Variants in MARCHF1 observed in about 807,000 individuals in gnomAD.
MARCHF1 encodes the protein membrane associated ring-CH-type finger 1.
A neutral mutation model predicts 54.2 loss-of-function variants in MARCHF1; 40 were observed. The observed-to-expected ratio is 0.74, with a 90% CI of 0.57 to 0.96. The LOEUF is 0.96. Among genes scored for constraint, MARCHF1 ranks in the 40% least tolerant of loss-of-function variants. MARCHF1 has a pLI of 0.00. For synonymous variants in MARCHF1, 236 were observed against 236.3 expected (o/e 1.00, Z 0.01); for missense variants, 586 against 656.5 (o/e 0.89, Z 1.17).
rs556075677 is a variant in MARCHF1, at chr4:164,253,820, C to A, written c.-323+130050G>T. 3.3e-5 allele frequency among the ~76,000 whole-genome samples: 5 copies of A among 152,120 alleles called. No homozygotes were observed. In the South Asian group the frequency reaches 1.0e-3, roughly 32 times the overall value. On this transcript the variant is annotated intron_variant, in intron 1 of 9. Transcript: ENST00000514618. ...AATGGATAAAGAAAATCTGACACAT[C>A]CATATAATGAAATACTACTCAGCAT...
At chr4:163,675,917 T>C (rs1019404939) in intron 5 of MARCHF1, among the ~76,000 whole-genome samples, 2 of 152,200 alleles carry the variant, frequency 1.3e-5, no homozygotes, top group African/African-American at 4.8e-5. Context: ...ATTCATGCTA[T>C]ATTTAATACA....
intron 1 of MARCHF1, among the ~76,000 whole-genome samples, chr4:164,350,770 C>T (rs900023539): frequency 7.2e-5 from 11 of 152,064 alleles, no homozygotes; most frequent in Non-Finnish European, 1.5e-4. Context: ...CCAAGATGGC[C>T]GAATAGGAAC....
chr4:164,344,361 C>T (rs74809834), intron 1 of MARCHF1, among the ~76,000 whole-genome samples: 3,498 of 152,038 alleles, frequency 0.023, 60 homozygotes, highest in South Asian at 0.061. Flanking sequence ...CGATGTGTAC[C>T]CCTGAACCTA....
chr4:164,140,304 T>C (rs1424868643), intron 1 of MARCHF1, among the ~76,000 whole-genome samples: 1 of 151,872 alleles, frequency 6.6e-6, no homozygotes, highest in Non-Finnish European at 1.5e-5. Context: ...TTATCATTTC[T>C]TTTGAATAAA....
At chr4:163,845,482 C>T (rs944386775) in intron 4 of MARCHF1, among the ~76,000 whole-genome samples, 30 of 151,674 alleles carry the variant, frequency 2.0e-4, no homozygotes, top group African/African-American at 7.2e-4. Context: ...CACACACACA[C>T]ACACACACAC....
At chr4:163,828,052 C>G (rs62333033) in intron 4 of MARCHF1, among the ~76,000 whole-genome samples, 55,138 of 108,390 alleles carry the variant, frequency 0.51, 10,828 homozygotes, top group South Asian at 0.58. Context: ...CACACACACA[C>G]ACAGACACAC....
chr4:164,382,786 C>G (rs1478459200), intron 1 of MARCHF1, among the ~76,000 whole-genome samples: 2 of 152,140 alleles, frequency 1.3e-5, no homozygotes, highest in African/African-American at 2.4e-5. Flanking sequence ...GGCTATATAG[C>G]ACTTATAGGC....
rs533553527 is a variant in MARCHF1, at chr4:163,991,359, C to T, written c.-247-2650G>A. 1.1e-4 allele frequency among the ~76,000 whole-genome samples: 17 copies of T among 152,268 alleles called. No individual in the cohort carries two copies. The East Asian group carries it at 1.2e-3, about 10-fold the overall frequency. ...TAATACTTTGTACATTCTAATACTT[C>T]GCTGCCTTGGAACACTGAATACACA... On this transcript the variant is annotated intron_variant, in intron 2 of 9. Coordinates refer to ENST00000514618, the MANE Select transcript of MARCHF1 (RefSeq NM_001394959.1).
chr4:163,917,373 A>G (rs1751332782), intron 3 of MARCHF1, among the ~76,000 whole-genome samples: 1 of 152,118 alleles, frequency 6.6e-6, no homozygotes, highest in South Asian at 2.1e-4. Flanking sequence ...ACCATTTTGC[A>G]TTCCAATATC....
intron 4 of MARCHF1, among the ~76,000 whole-genome samples, chr4:163,786,750 T>TG (rs1338975466): frequency 2.0e-5 from 3 of 151,906 alleles, no homozygotes; most frequent in African/African-American, 7.2e-5. Flanking sequence ...AAAATTTAGA[T>TG]GGAATCTCAA....
Position 163,526,941 on chromosome 4 carries a change from C to A in MARCHF1, c.*1807G>T, listed in dbSNP as rs865812296. On this transcript the variant is annotated 3_prime_UTR_variant, in exon 10 of 10. Coordinates refer to ENST00000514618, the MANE Select transcript of MARCHF1 (RefSeq NM_001394959.1). ...CTACTAATATTTATACCATCTTTCT[C>A]CTCATTTAAAGGTTTGTTTTTTTTT... is the stretch of plus-strand genomic sequence containing the variant. 1 of 151,594 alleles carries A rather than the reference C, an allele frequency of 6.6e-6. No individual in the cohort carries two copies. The highest frequency in any genetic ancestry group is 2.4e-5 in the African/African-American group (1 of 41,296). 9.4% of individuals were successfully genotyped at this position (151,594 alleles called of 1,614,324 possible). A position where few individuals can be genotyped will look rare whatever the true frequency, so the allele number is the denominator to read the frequency against.
At chr4:163,559,642 G>C (rs999248002) in intron 8 of MARCHF1, among the ~76,000 whole-genome samples, 2 of 152,258 alleles carry the variant, frequency 1.3e-5, no homozygotes, top group Middle Eastern at 3.4e-3. Context: ...CTTTATTTTA[G>C]AACCTCCGAT....
At chr4:163,632,304 C>A (rs1021586631) in intron 5 of MARCHF1, among the ~76,000 whole-genome samples, 5 of 152,138 alleles carry the variant, frequency 3.3e-5, no homozygotes, top group Non-Finnish European at 5.9e-5. Context: ...ACGCAGAAGA[C>A]GGGTGATTTC....
chr4:163,963,662 A>G (rs1206944283), intron 3 of MARCHF1, among the ~76,000 whole-genome samples: 2 of 151,952 alleles, frequency 1.3e-5, no homozygotes, highest in African/African-American at 2.4e-5. Context: ...GATTAATTTG[A>G]CAAATAAAAT....
intron 4 of MARCHF1, among the ~76,000 whole-genome samples, chr4:163,764,966 T>A (rs1746932604): frequency 6.6e-6 from 1 of 152,144 alleles, no homozygotes; most frequent in Non-Finnish European, 1.5e-5. Flanking sequence ...TCAGGCTCAT[T>A]ACTTAATTAT....
intron 1 of MARCHF1, among the ~76,000 whole-genome samples, chr4:164,177,353 T>C (rs1402267286): frequency 6.6e-6 from 1 of 152,076 alleles, no homozygotes; most frequent in Non-Finnish European, 1.5e-5. Context: ...TTTACCAAAA[T>C]CACACAATAA....
chr4:164,106,738 C>T (rs2111171645), intron 2 of MARCHF1, among the ~76,000 whole-genome samples: 1 of 134,104 alleles, frequency 7.5e-6, no homozygotes, highest in South Asian at 2.5e-4. Flanking sequence ...GCACAATGTG[C>T]ACATGTACCC....
chr4:164,088,874 T>G (rs755267639), intron 2 of MARCHF1, among the ~76,000 whole-genome samples: 20 of 152,204 alleles, frequency 1.3e-4, no homozygotes, highest in Non-Finnish European at 2.9e-4. Context: ...ACAATAGGGA[T>G]TATTTTCTTT....
At chr4:163,883,556 G>A (rs777269920) in intron 3 of MARCHF1, among the ~76,000 whole-genome samples, 1 of 152,044 alleles carries the variant, frequency 6.6e-6, no homozygotes, top group Non-Finnish European at 1.5e-5. Flanking sequence ...GCCAACACTA[G>A]AGATTTTAGA....
Sources: allele counts gnomAD v4.1 joint callset (sites outside exome capture counted in the v4.1 genomes callset), GRCh38; gene constraint gnomAD v4.1.1; transcripts MANE v1.5; gene names NCBI Gene and HGNC (gene_info 2026-07-23, HGNC 2026-07-21).